TSHZ3: variants seen among roughly 807,000 people sequenced by gnomAD.
TSHZ3 encodes teashirt zinc finger homeobox 3.
TSHZ3 carries 10 observed loss-of-function variants against 64.5 expected under a neutral mutation model. The ratio of observed to expected loss-of-function variants is 0.16; its 90% confidence interval spans 0.10 to 0.26. The LOEUF (loss-of-function observed/expected upper bound fraction) is 0.26. Ranked by LOEUF, TSHZ3 falls within the 10% of genes least tolerant of loss-of-function variation. TSHZ3 has a pLI of 1.00. For synonymous variants in TSHZ3, 608 were observed against 593.1 expected, an observed-to-expected ratio of 1.03 and a Z score of -0.36; for missense variants, 1,242 against 1,421.7, an observed-to-expected ratio of 0.87 and a Z score of 2.03.
In TSHZ3 at chr19:31,278,902, T is replaced by G; in HGVS notation, c.891A>C (p.Thr297=). 1 of 1,614,092 alleles carries G rather than the reference T, an allele frequency of 6.2e-7. No homozygotes were observed. Among genetic ancestry groups the G allele is most frequent in the Non-Finnish European group, 8.5e-7 (1 of 1,180,014 alleles). Reference sequence around the variant, plus strand: ...TCAGAGGCACTTTTTGGTAGTGTTTTGTTTTGATCATATGGACACTCAAAT... The same window carrying G: ...TCAGAGGCACTTTTTGGTAGTGTTTGGTTTTGATCATATGGACACTCAAAT... ...LQDLSVHMIK[T]KHYQKVPLKE... is the part of the protein sequence containing the mutation. The change falls in exon 2 of 2, where the codon ACA becomes ACC. Residue 297 remains threonine, a synonymous_variant. Transcript: ENST00000240587. The surrounding 1 kb of genome is among the most constrained non-coding windows in gnomAD (Gnocchi z 4.7).
intron 5 of TSHZ3, among the ~76,000 whole-genome samples, chr19:31,174,422 G>T (rs1043902350): frequency 2.6e-5 from 4 of 152,140 alleles, no homozygotes; most frequent in Admixed American, 2.0e-4. Context: ...CTCACATTGT[G>T]GAGGGCCACC....
Position 31,276,687 on chromosome 19 carries a change from C to G in TSHZ3, c.3106G>C (p.Asp1036His), listed in dbSNP as rs766325545. The G allele has an allele frequency of 6.2e-7, 1 of 1,613,850 alleles. No homozygotes were observed. The highest frequency in any genetic ancestry group is 1.1e-5 in the South Asian group (1 of 91,058). The change falls in exon 2 of 2, where the codon GAC (aspartate) becomes CAC (histidine). Residue 1036 changes from aspartate to histidine, a missense_variant. Physicochemically the swap from Asp to His is moderately conservative, Grantham distance 81. Coordinates refer to ENST00000240587, the MANE Select transcript of TSHZ3 (RefSeq NM_020856.4). ...TTGCACTGATAGGAAGTCCCCAGGT[C>G]TTCCTCGGGGGAGGACGTCACCATT... ...EKMVTSSPEE[D>H]LGTSYQCKLC...
intron 5 of TSHZ3, among the ~76,000 whole-genome samples, chr19:31,184,917 T>A (rs1027908171): frequency 6.6e-6 from 1 of 152,046 alleles, no homozygotes; most frequent in Admixed American, 6.5e-5. Context: ...AAGGAAAAAA[T>A]GCATTCCTCT....
At chr19:31,307,868 C>A (rs1050774646) in intron 1 of TSHZ3, among the ~76,000 whole-genome samples, 1 of 152,132 alleles carries the variant, frequency 6.6e-6, no homozygotes, top group Non-Finnish European at 1.5e-5. Context: ...TCTCTTTGGA[C>A]AGGCCTGATC....
chr19:31,190,808 A>G (rs1568342373), intron 5 of TSHZ3, among the ~76,000 whole-genome samples: 1 of 152,226 alleles, frequency 6.6e-6, no homozygotes, highest in Non-Finnish European at 1.5e-5. Context: ...GATTTAAAAT[A>G]AATGTTTAAT....
intron 1 of TSHZ3, among the ~76,000 whole-genome samples, chr19:31,294,323 C>G (rs1183382514): frequency 1.3e-5 from 2 of 152,166 alleles, no homozygotes; most frequent in East Asian, 1.9e-4. Flanking sequence ...CAACACTCAG[C>G]TAGCACTCAG....
chr19:31,165,172 G>C (rs1321201878), intron 5 of TSHZ3, among the ~76,000 whole-genome samples: 1 of 152,180 alleles, frequency 6.6e-6, no homozygotes, highest in Non-Finnish European at 1.5e-5. Flanking sequence ...CCGCTTAGCG[G>C]TTCCTTTCAG....
intron 1 of TSHZ3, among the ~76,000 whole-genome samples, chr19:31,292,586 T>C (rs537205169): frequency 6.6e-6 from 1 of 152,302 alleles, no homozygotes; most frequent in Non-Finnish European, 1.5e-5. Flanking sequence ...AAGATTTACA[T>C]GGAAGACGAA....
intron 3 of TSHZ3, among the ~76,000 whole-genome samples, chr19:31,236,262 A>G (rs1975612918): frequency 6.6e-6 from 1 of 152,202 alleles, no homozygotes. Flanking sequence ...CCAACGGTGT[A>G]CAAAAGTTAC....
intron 1 of TSHZ3, among the ~76,000 whole-genome samples, chr19:31,284,847 T>C (rs1976427408): frequency 1.3e-5 from 2 of 152,188 alleles, no homozygotes; most frequent in South Asian, 2.1e-4. Flanking sequence ...GAGTGGCCAC[T>C]CAATACATGT....
intron 1 of TSHZ3, among the ~76,000 whole-genome samples, chr19:31,330,686 C>T (rs1316203704): frequency 7.0e-6 from 1 of 142,162 alleles, no homozygotes; most frequent in African/African-American, 2.6e-5. Flanking sequence ...TAACAAGGAG[C>T]CAAGTGCTGT....
chr19:31,302,513 TTTC>T (rs891690135), intron 1 of TSHZ3, among the ~76,000 whole-genome samples: 20 of 152,256 alleles, frequency 1.3e-4, no homozygotes, highest in Non-Finnish European at 2.6e-4. Flanking sequence ...GCAAAATGCA[TTTC>T]TTTTAAGAAA....
chr19:31,171,370 A>C (rs1974532089), intron 5 of TSHZ3, among the ~76,000 whole-genome samples: 1 of 152,188 alleles, frequency 6.6e-6, no homozygotes, highest in Non-Finnish European at 1.5e-5. Flanking sequence ...AGGAGATGGG[A>C]GATGAGTCCC....
At chr19:31,292,903 A>G (rs116051714) in intron 1 of TSHZ3, among the ~76,000 whole-genome samples, 2,197 of 151,516 alleles carry the variant, frequency 0.015, 22 homozygotes, top group Middle Eastern at 0.048. Context: ...TCATCCATCC[A>G]TCCACCCATC....
intron 5 of TSHZ3, among the ~76,000 whole-genome samples, chr19:31,169,781 G>A (rs1306234342): frequency 6.6e-6 from 1 of 152,140 alleles, no homozygotes; most frequent in Admixed American, 6.6e-5. Context: ...TTTGAGCGAT[G>A]TGCAAAGTTC....
intron 5 of TSHZ3, among the ~76,000 whole-genome samples, chr19:31,192,935 T>C (rs570230449): frequency 6.6e-6 from 1 of 152,166 alleles, no homozygotes; most frequent in Non-Finnish European, 1.5e-5. Context: ...AGAAGGTGAT[T>C]AGTGGGAGAA....
intron 1 of TSHZ3, among the ~76,000 whole-genome samples, chr19:31,298,711 A>T (rs2145138820): frequency 6.6e-6 from 1 of 152,218 alleles, no homozygotes; most frequent in Admixed American, 6.5e-5. Flanking sequence ...GCTCCATGTC[A>T]TGGATGAAGA....
chr19:31,193,045 G>T lies in TSHZ3; in HGVS notation n.809+11911C>A, dbSNP rs74592632. ...AAAATCAGAGCCCATCTGCGACCCT[G>T]GTTTTTCCCAGTGCCTGTGTGGCAC... On this transcript the variant is annotated intron_variant and non_coding_transcript_variant, in intron 5 of 6. Coordinates refer to the TSHZ3 transcript ENST00000651361. Among the ~76,000 whole-genome samples, 99 of 152,242 alleles carry T rather than the reference G, an allele frequency of 6.5e-4. 2 individuals are homozygous for T. The East Asian group carries it at 0.019, about 29-fold the overall frequency.
At chr19:31,274,689 T>C (rs149759256), downstream of TSHZ3, among the ~76,000 whole-genome samples, 687 of 151,922 alleles carry the variant, frequency 4.5e-3, 4 homozygotes, top group African/African-American at 0.016. Context: ...CATCTAACCT[T>C]ATAGGCATAT....
Sources: gnomAD v4.1 joint callset for allele counts (sites outside exome capture counted in the v4.1 genomes callset) on GRCh38, gnomAD v4.1.1 for gene constraint, Gnocchi (gnomAD v3.1) non-coding constraint, MANE v1.5 for transcripts, NCBI Gene and HGNC (gene_info 2026-07-23, HGNC 2026-07-21) for gene names.